Variants in PIP4K2A observed in about 807,000 individuals in gnomAD.
The protein encoded by PIP4K2A is phosphatidylinositol-5-phosphate 4-kinase type 2 alpha.
PIP4K2A carries 14 observed loss-of-function variants against 42.9 expected under a neutral mutation model. The observed-to-expected ratio is 0.33, with a 90% CI of 0.22 to 0.51. The LOEUF (loss-of-function observed/expected upper bound fraction) is 0.51, where lower values mean the gene tolerates loss of function less well. Among genes scored for constraint, PIP4K2A ranks in the 20% least tolerant of loss-of-function variants. PIP4K2A has a pLI of 0.97. For missense variants in PIP4K2A, 434 were observed against 519.8 expected, an observed-to-expected ratio of 0.83 and a Z score of 1.61; for synonymous variants, 192 against 192.2, an observed-to-expected ratio of 1.00 and a Z score of 0.01.
intron 6 of PIP4K2A, among the ~76,000 whole-genome samples, chr10:22,566,737 C>T (rs1376024453): frequency 6.6e-6 from 1 of 152,182 alleles, no homozygotes; most frequent in Non-Finnish European, 1.5e-5. Flanking sequence ...TCCTATTGAT[C>T]CTTCAGGTTT....
At chr10:22,552,471 A>AC (rs965674746) in intron 6 of PIP4K2A, among the ~76,000 whole-genome samples, 2 of 152,122 alleles carry the variant, frequency 1.3e-5, no homozygotes, top group African/African-American at 4.8e-5. Context: ...CAATACGTGC[A>AC]CCCCCCATTC....
chr10:22,589,516 A>G (rs1220776428), intron 4 of PIP4K2A, among the ~76,000 whole-genome samples: 1 of 152,240 alleles, frequency 6.6e-6, no homozygotes, highest in Non-Finnish European at 1.5e-5. Flanking sequence ...TAGAAAACAA[A>G]CTAGAGGCAG....
intron 4 of PIP4K2A, among the ~76,000 whole-genome samples, chr10:22,581,835 T>C (rs1043060925): frequency 1.1e-4 from 17 of 152,160 alleles, no homozygotes; most frequent in Admixed American, 9.8e-4. Context: ...TGCTTACAGC[T>C]GGGCATGGTG....
intron 8 of PIP4K2A, among the ~76,000 whole-genome samples, chr10:22,541,432 A>G (rs1331864962): frequency 2.6e-5 from 4 of 152,246 alleles, no homozygotes; most frequent in African/African-American, 4.8e-5. Flanking sequence ...AATATTTTAA[A>G]GCATTTCTGA....
At chr10:22,621,479 T>C (rs11013067) in intron 1 of PIP4K2A, among the ~76,000 whole-genome samples, 28,832 of 152,242 alleles carry the variant, frequency 0.19, 3,428 homozygotes, top group Non-Finnish European at 0.27. Context: ...GGGATAAGGA[T>C]GTTCTAAAAC....
At chr10:22,594,904 T>C (rs1209088787) in intron 3 of PIP4K2A, among the ~76,000 whole-genome samples, 2 of 152,242 alleles carry the variant, frequency 1.3e-5, no homozygotes, top group Admixed American at 1.3e-4. Context: ...ATCTTGATTC[T>C]GTCTCAAATC....
At chr10:22,564,739 C>A (rs1037225437) in intron 6 of PIP4K2A, among the ~76,000 whole-genome samples, 4 of 152,198 alleles carry the variant, frequency 2.6e-5, no homozygotes, top group African/African-American at 9.7e-5. Flanking sequence ...CACTGATGTA[C>A]AGTAAAAGGG....
At chr10:22,683,001 A>G (rs1170612891) in intron 1 of PIP4K2A, among the ~76,000 whole-genome samples, 2 of 152,168 alleles carry the variant, frequency 1.3e-5, no homozygotes, top group East Asian at 3.8e-4. Flanking sequence ...GATCTTTCAG[A>G]TCCTTCTTTA....
At chr10:22,689,092 G>A (rs964963443) in intron 1 of PIP4K2A, among the ~76,000 whole-genome samples, 1 of 152,132 alleles carries the variant, frequency 6.6e-6, no homozygotes, top group African/African-American at 2.4e-5. Flanking sequence ...GGGTGGGTCT[G>A]GTGGAACTCT....
intron 3 of PIP4K2A, among the ~76,000 whole-genome samples, chr10:22,607,531 C>T (rs35260664): frequency 2.2e-4 from 33 of 152,200 alleles, no homozygotes; most frequent in South Asian, 6.2e-4. Flanking sequence ...GATAAAGATT[C>T]CTGAGAGTCC....
intron 1 of PIP4K2A, among the ~76,000 whole-genome samples, chr10:22,610,496 G>C (rs1838006841): frequency 6.6e-6 from 1 of 152,184 alleles, no homozygotes; most frequent in African/African-American, 2.4e-5. Context: ...GCTTCCAGTA[G>C]GATAGAAGGC....
At chr10:22,633,277 A>G (rs1178599742) in intron 1 of PIP4K2A, among the ~76,000 whole-genome samples, 1 of 152,240 alleles carries the variant, frequency 6.6e-6, no homozygotes, top group Non-Finnish European at 1.5e-5. Context: ...ATAATTTTTT[A>G]AAAGAAAAAG....
intron 1 of PIP4K2A, among the ~76,000 whole-genome samples, chr10:22,644,923 A>G (rs750279389): frequency 7.2e-5 from 11 of 152,212 alleles, no homozygotes; most frequent in Admixed American, 2.6e-4. Flanking sequence ...GCTTCGGTTA[A>G]TTTCCAGATA....
intron 3 of PIP4K2A, among the ~76,000 whole-genome samples, chr10:22,597,749 T>C: frequency 6.6e-6 from 1 of 151,964 alleles, no homozygotes; most frequent in East Asian, 1.9e-4. Flanking sequence ...GAAGACACCA[T>C]TTAGAAAAAT....
chr10:22,671,955 AATTT>A (rs1839460184), intron 1 of PIP4K2A, among the ~76,000 whole-genome samples: 1 of 152,194 alleles, frequency 6.6e-6, no homozygotes, highest in South Asian at 2.1e-4. Context: ...AATGTGAAAT[AATTT>A]GTTTTTGGCA....
chr10:22,553,230 G>A (rs1836454543), intron 6 of PIP4K2A, among the ~76,000 whole-genome samples: 2 of 152,148 alleles, frequency 1.3e-5, no homozygotes, highest in Non-Finnish European at 2.9e-5. Flanking sequence ...ATCCTGGCAG[G>A]GCAGCTGCCA....
chr10:22,552,217 G>T (rs1388650808), intron 6 of PIP4K2A, among the ~76,000 whole-genome samples: 1 of 152,188 alleles, frequency 6.6e-6, no homozygotes, highest in African/African-American at 2.4e-5. Flanking sequence ...AAAGGAGTTT[G>T]TAATCTCGTA....
At chr10:22,662,938 G>A (rs1171506) in intron 1 of PIP4K2A, among the ~76,000 whole-genome samples, 34,820 of 152,246 alleles carry the variant, frequency 0.23, 4,498 homozygotes, top group Non-Finnish European at 0.3. Context: ...CAGCCCCCAC[G>A]CAGTTCTGCA....
chr10:22,690,640 A>G (rs1839849880), intron 1 of PIP4K2A, among the ~76,000 whole-genome samples: 1 of 152,198 alleles, frequency 6.6e-6, no homozygotes, highest in Non-Finnish European at 1.5e-5. Flanking sequence ...CTAAGATTCA[A>G]TGAGTGCACA....
Sources: allele counts gnomAD v4.1 joint callset (sites outside exome capture counted in the v4.1 genomes callset), GRCh38; gene constraint gnomAD v4.1.1; transcripts MANE v1.5; gene names NCBI Gene and HGNC (gene_info 2026-07-23, HGNC 2026-07-21).